The following SLC27A2 variants were observed in gnomAD, a reference collection of about 807,000 sequenced individuals.
SLC27A2 encodes the protein solute carrier family 27 member 2.
SLC27A2 carries 54 observed loss-of-function variants against 60.0 expected under a neutral mutation model. That is an observed-to-expected ratio of 0.90 (90% confidence interval 0.72 to 1.13). SLC27A2 has a LOEUF of 1.13. Among genes scored for constraint, SLC27A2 ranks in the 50% most tolerant of loss-of-function variants. SLC27A2 has a pLI of 0.00. For missense variants in SLC27A2, 739 were observed against 777.6 expected, an observed-to-expected ratio of 0.95 and a Z score of 0.59; for synonymous variants, 297 against 297.6, an observed-to-expected ratio of 1.00 and a Z score of 0.02.
At chr15:50,190,211 G>T (rs1427601094) in intron 1 of SLC27A2, among the ~76,000 whole-genome samples, 3 of 152,156 alleles carry the variant, frequency 2.0e-5, no homozygotes, top group Non-Finnish European at 4.4e-5. Flanking sequence ...GGCATTTTAG[G>T]AACTATTTTT....
At chr15:50,192,793 A>C (rs1459370073) in intron 1 of SLC27A2, among the ~76,000 whole-genome samples, 4 of 151,320 alleles carry the variant, frequency 2.6e-5, no homozygotes, top group African/African-American at 9.7e-5. Context: ...TTCTTAAAAA[A>C]AAAAAAAAGA....
At chr15:50,207,301 C>T (rs1255341955) in intron 4 of SLC27A2, among the ~76,000 whole-genome samples, 1 of 152,124 alleles carries the variant, frequency 6.6e-6, no homozygotes, top group Non-Finnish European at 1.5e-5. Flanking sequence ...TACTGGAAAA[C>T]AAAGACAATT....
chr15:50,192,828 G>T (rs1595680855), intron 1 of SLC27A2, among the ~76,000 whole-genome samples: 1 of 144,292 alleles, frequency 6.9e-6, no homozygotes, highest in Non-Finnish European at 1.5e-5. Context: ...AAAACTTAAA[G>T]TCCCTTTTGA....
At chr15:50,187,888 T>A (rs2044937905) in intron 1 of SLC27A2, among the ~76,000 whole-genome samples, 1 of 151,720 alleles carries the variant, frequency 6.6e-6, no homozygotes, top group Non-Finnish European at 1.5e-5. Context: ...CATCCAAACT[T>A]TTGAGATTAG....
intron 1 of SLC27A2, among the ~76,000 whole-genome samples, chr15:50,195,756 T>G (rs1372416056): frequency 6.6e-6 from 1 of 151,654 alleles, no homozygotes; most frequent in Non-Finnish European, 1.5e-5. Context: ...ATGAATTAGG[T>G]GTAGCCTCCC....
intron 2 of SLC27A2, among the ~76,000 whole-genome samples, chr15:50,201,238 C>G (rs924602640): frequency 1.3e-5 from 2 of 152,168 alleles, no homozygotes; most frequent in Non-Finnish European, 1.5e-5. Flanking sequence ...CCTGCCTCAG[C>G]CTCCCAAATT....
intron 1 of SLC27A2, 83 bp downstream of exon 1, chr15:50,182,988 C>A: frequency 1.5e-6 from 2 of 1,377,184 alleles, no homozygotes; most frequent in Non-Finnish European, 2.0e-6. Context: ...ATAAGGGGTT[C>A]GCAGAGGGAG....
chr15:50,189,844 C>A (rs527526033), intron 1 of SLC27A2, among the ~76,000 whole-genome samples: 24 of 152,228 alleles, frequency 1.6e-4, no homozygotes, highest in African/African-American at 5.8e-4. Flanking sequence ...TTATGTAAGG[C>A]CTTATGTGAC....
At chr15:50,231,395 C>G (rs1292990733) in intron 8 of SLC27A2, among the ~76,000 whole-genome samples, 1 of 152,110 alleles carries the variant, frequency 6.6e-6, no homozygotes, top group African/African-American at 2.4e-5. Flanking sequence ...GATCCACACC[C>G]CGACCTTGGC....
chr15:50,227,249 A>C, intron 7 of SLC27A2, 71 bp downstream of exon 7: 1 of 1,201,568 alleles, frequency 8.3e-7, no homozygotes, highest in Non-Finnish European at 1.2e-6. Context: ...GTGGAATCGC[A>C]TTCCACTTTG....
chr15:50,194,765 G>T (rs915515353), intron 1 of SLC27A2, among the ~76,000 whole-genome samples: 1 of 152,126 alleles, frequency 6.6e-6, no homozygotes, highest in African/African-American at 2.4e-5. Context: ...TTTCTGGAGT[G>T]CTGAAGGATT....
At chr15:50,230,581 G>T (rs1799432639) in intron 8 of SLC27A2, among the ~76,000 whole-genome samples, 1 of 152,136 alleles carries the variant, frequency 6.6e-6, no homozygotes, top group Non-Finnish European at 1.5e-5. Context: ...TCTCTTGCTT[G>T]TTCCTCCCCA....
At chr15:50,196,683 G>A (rs995649673) in intron 1 of SLC27A2, among the ~76,000 whole-genome samples, 2 of 152,116 alleles carry the variant, frequency 1.3e-5, no homozygotes, top group Non-Finnish European at 2.9e-5. Flanking sequence ...CAGTTTAAAT[G>A]ATTTTAACAA....
rs1448896797 is a variant in SLC27A2, at chr15:50,202,662, A to G, written c.847+17A>G. On this transcript the variant is annotated intron_variant, in intron 3 of 9. Transcript: ENST00000267842. Reference sequence around the variant, plus strand: ...TTGTGGCTGGTAAGCTTTTTCTACAAAATGTTGGAGGCGAGTGCACATTTA... The same window carrying G: ...TTGTGGCTGGTAAGCTTTTTCTACAGAATGTTGGAGGCGAGTGCACATTTA... 1 of 1,609,858 alleles carries G rather than the reference A, an allele frequency of 6.2e-7. No individual in the cohort carries two copies. The highest frequency in any genetic ancestry group is 8.5e-7 in the Non-Finnish European group (1 of 1,176,430).
At chr15:50,221,395 C>G (rs968179904) in intron 4 of SLC27A2, among the ~76,000 whole-genome samples, 10 of 152,100 alleles carry the variant, frequency 6.6e-5, no homozygotes, top group African/African-American at 2.2e-4. Flanking sequence ...CACCAGTGAC[C>G]AGCATCAGTC....
intron 5 of SLC27A2, among the ~76,000 whole-genome samples, chr15:50,224,458 A>C (rs28435269): frequency 1.4e-3 from 220 of 152,264 alleles, no homozygotes; most frequent in African/African-American, 5.0e-3. Flanking sequence ...GAAAGGATTA[A>C]ATAACTTATG....
At chr15:50,217,798 G>C (rs1431233922) in intron 4 of SLC27A2, among the ~76,000 whole-genome samples, 2 of 152,182 alleles carry the variant, frequency 1.3e-5, no homozygotes, top group East Asian at 1.9e-4. Context: ...GCTCACGCCT[G>C]TAATCCCAGC....
At chr15:50,220,049 G>C (rs2045232017) in intron 4 of SLC27A2, among the ~76,000 whole-genome samples, 2 of 152,164 alleles carry the variant, frequency 1.3e-5, no homozygotes, top group African/African-American at 4.8e-5. Flanking sequence ...AGACATCTTA[G>C]AAGCCTCCAG....
chr15:50,199,215 T>C lies in SLC27A2; in HGVS notation c.688+1506T>C, dbSNP rs1233965721. On this transcript the variant is annotated intron_variant, in intron 2 of 9. Transcript: ENST00000267842. ...TACAATGCATGTTTTCACAGTCAAA[T>C]AGAAAACCCCTTTTATTGGGAGGCC... Among the ~76,000 whole-genome samples the C allele has an allele frequency of 2.6e-5, 4 of 152,136 alleles. No homozygotes were observed. The East Asian group carries it at 7.7e-4, about 29-fold the overall frequency.
Sources: gnomAD v4.1 joint callset for allele counts (sites outside exome capture counted in the v4.1 genomes callset) on GRCh38, gnomAD v4.1.1 for gene constraint, MANE v1.5 for transcripts, NCBI Gene and HGNC (gene_info 2026-07-23, HGNC 2026-07-21) for gene names.